The following MARCHF11 variants were observed in gnomAD, a reference collection of about 807,000 sequenced individuals.
MARCHF11 encodes the protein E3 ubiquitin-protein ligase MARCHF11.
In MARCHF11, 29 loss-of-function variants were observed where a neutral mutation model predicts 37.3. The observed-to-expected ratio is 0.78, with a 90% CI of 0.58 to 1.06. MARCHF11 has a LOEUF of 1.06. Among genes scored for constraint, MARCHF11 ranks in the 50% least tolerant of loss-of-function variants. MARCHF11 has a pLI of 0.00. For missense variants in MARCHF11, 482 were observed against 533.4 expected, an observed-to-expected ratio of 0.90 and a Z score of 0.95; for synonymous variants, 233 against 228.0, an observed-to-expected ratio of 1.02 and a Z score of -0.20.
intron 2 of MARCHF11, among the ~76,000 whole-genome samples, chr5:16,092,935 T>C (rs891912955): frequency 6.6e-6 from 1 of 152,218 alleles, no homozygotes; most frequent in African/African-American, 2.4e-5. Context: ...CAAACAGATA[T>C]GAAGTGTCAG....
intron 2 of MARCHF11, among the ~76,000 whole-genome samples, chr5:16,102,135 T>C (rs1012386347): frequency 6.6e-6 from 1 of 152,164 alleles, no homozygotes. Context: ...CCTTCCTTAA[T>C]TGGGGTTCTG....
At chr5:16,073,277 G>A (rs985553322) in intron 3 of MARCHF11, among the ~76,000 whole-genome samples, 2 of 152,154 alleles carry the variant, frequency 1.3e-5, no homozygotes, top group East Asian at 3.9e-4. Flanking sequence ...AATCAAACGA[G>A]ACTGTGGCCC....
At chr5:16,070,101 C>CT (rs34426394) in intron 3 of MARCHF11, among the ~76,000 whole-genome samples, 2 of 152,154 alleles carry the variant, frequency 1.3e-5, no homozygotes, top group Admixed American at 1.3e-4. Context: ...TTATCAACTT[C>CT]TTTTTTCAAA....
At chr5:16,171,641 C>G (rs1489598800) in intron 2 of MARCHF11, among the ~76,000 whole-genome samples, 3 of 152,168 alleles carry the variant, frequency 2.0e-5, no homozygotes, top group Non-Finnish European at 4.4e-5. Flanking sequence ...TCTGTGGTAG[C>G]TTTCATGCTA....
chr5:16,134,709 T>C (rs946387737), intron 2 of MARCHF11, among the ~76,000 whole-genome samples: 3 of 152,140 alleles, frequency 2.0e-5, no homozygotes, highest in Admixed American at 6.5e-5. Flanking sequence ...AATTTGATAA[T>C]ATAAGAATTT....
chr5:16,115,662 T>C (rs567640458), intron 2 of MARCHF11, among the ~76,000 whole-genome samples: 3 of 151,980 alleles, frequency 2.0e-5, no homozygotes, highest in East Asian at 3.9e-4. Context: ...AGTTTCACTC[T>C]TGTTGCCCAG....
intron 2 of MARCHF11, among the ~76,000 whole-genome samples, chr5:16,106,581 C>A (rs561349355): frequency 4.2e-4 from 64 of 152,242 alleles, no homozygotes; most frequent in African/African-American, 1.5e-3. Flanking sequence ...GAAAGGATCC[C>A]AAAAACCACT....
intron 2 of MARCHF11, among the ~76,000 whole-genome samples, chr5:16,160,822 G>GA (rs891234694): frequency 8.0e-5 from 12 of 150,342 alleles, no homozygotes; most frequent in African/African-American, 2.2e-4. Flanking sequence ...CCAAAAAGGT[G>GA]AAAAAAAAAT....
intron 2 of MARCHF11, among the ~76,000 whole-genome samples, chr5:16,151,315 C>T (rs950414344): frequency 1.3e-5 from 2 of 151,994 alleles, no homozygotes; most frequent in African/African-American, 4.8e-5. Context: ...CTATCACAAA[C>T]AAGACTAAAA....
chr5:16,143,130 C>A (rs1737745373), intron 2 of MARCHF11, among the ~76,000 whole-genome samples: 1 of 152,082 alleles, frequency 6.6e-6, no homozygotes, highest in African/African-American at 2.4e-5. Flanking sequence ...CCTCCTTTCT[C>A]TGTTCCTTCA....
intron 2 of MARCHF11, among the ~76,000 whole-genome samples, chr5:16,118,834 T>C (rs563754752): frequency 1.3e-5 from 2 of 152,206 alleles, no homozygotes; most frequent in South Asian, 4.2e-4. Context: ...CACATCAGCT[T>C]GGAGTAGACT....
intron 2 of MARCHF11, among the ~76,000 whole-genome samples, chr5:16,091,822 G>C (rs1736794958): frequency 6.6e-6 from 1 of 152,176 alleles, no homozygotes; most frequent in Non-Finnish European, 1.5e-5. Flanking sequence ...AGAATTTACA[G>C]TACAAATGAT....
At position 16,177,785 on chromosome 5, in the gene MARCHF11, A is replaced by T; in HGVS notation, c.634T>A (p.Cys212Ser). The T allele has an allele frequency of 6.2e-7, 1 of 1,613,870 alleles. No homozygotes were observed. Among genetic ancestry groups the T allele is most frequent in the Non-Finnish European group, 8.5e-7 (1 of 1,179,826 alleles). The change falls in exon 2 of 4, where the codon TGT becomes AGT. Residue 212 changes from cysteine (C) to serine (S), a missense_variant. Physicochemically the swap from Cys to Ser is moderately radical, Grantham distance 112. Transcript: ENST00000332432. ...TGGTATCTATAACAGCAAAGTTCAC[A>T]GGTCCAGGAACCTCTCTCACTGATC... The part of the protein sequence containing the change: ...KWISERGSWT[C>S]ELCCYRYHVI...
chr5:16,124,018 G>A (rs1737358877), intron 2 of MARCHF11, among the ~76,000 whole-genome samples: 1 of 152,110 alleles, frequency 6.6e-6, no homozygotes, highest in South Asian at 2.1e-4. Flanking sequence ...AACATATCAG[G>A]TTTTGTATGT....
chr5:16,158,599 G>A (rs183042867), intron 2 of MARCHF11, among the ~76,000 whole-genome samples: 15 of 152,060 alleles, frequency 9.9e-5, no homozygotes, highest in African/African-American at 3.4e-4. Context: ...GTGACAAGAT[G>A]TTTGTCACAG....
chr5:16,119,635 C>CTT (rs1297019401), intron 2 of MARCHF11, among the ~76,000 whole-genome samples: 1 of 150,506 alleles, frequency 6.6e-6, no homozygotes, highest in South Asian at 2.1e-4. Flanking sequence ...AATTGGAAGC[C>CTT]TTATAGGTTT....
At chr5:16,163,148 G>A (rs76218892) in intron 2 of MARCHF11, among the ~76,000 whole-genome samples, 2,827 of 151,766 alleles carry the variant, frequency 0.019, 101 homozygotes, top group African/African-American at 0.064. Flanking sequence ...TAATCAAGAC[G>A]CTCTGGAGGT....
At position 16,177,750 on chromosome 5, in the gene MARCHF11, G is replaced by GGCA. The variant is rs1165160122; in HGVS notation, c.668_669insTGC (p.Ala223dup). ...CCTGGCAAGGTTGTTTCATTTTAATGGCTATAACATGGTATCTATAACAGC... is the reference window on the plus strand; with the variant it reads ...CCTGGCAAGGTTGTTTCATTTTAATGGCAGCTATAACATGGTATCTATAACAGC... On this transcript the variant is annotated inframe_insertion, in exon 2 of 4. Coordinates refer to ENST00000332432, the MANE Select transcript of MARCHF11 (RefSeq NM_001102562.3). The GGCA allele has an allele frequency of 6.2e-7, 1 of 1,605,078 alleles. No individual in the cohort carries two copies. Among genetic ancestry groups the GGCA allele is most frequent in the Admixed American group, 1.7e-5 (1 of 57,820 alleles).
intron 2 of MARCHF11, among the ~76,000 whole-genome samples, chr5:16,130,389 A>G (rs1737498038): frequency 2.0e-5 from 3 of 152,114 alleles, no homozygotes; most frequent in Admixed American, 6.6e-5. Flanking sequence ...ACATTTGCTA[A>G]GCTAAATAAT....
Sources: allele counts gnomAD v4.1 joint callset (sites outside exome capture counted in the v4.1 genomes callset), GRCh38; gene constraint gnomAD v4.1.1; transcripts MANE v1.5; gene names NCBI Gene and HGNC (gene_info 2026-07-23, HGNC 2026-07-21).